Variants in DYNC2H1 observed in about 807,000 individuals in gnomAD.
DYNC2H1 encodes dynein cytoplasmic 2 heavy chain 1, also known as cytoplasmic dynein 2 heavy chain 1.
DYNC2H1 carries 410 observed loss-of-function variants against 570.0 expected under a neutral mutation model. That is an observed-to-expected ratio of 0.72 (90% CI 0.66 to 0.78). DYNC2H1 has a LOEUF of 0.78. DYNC2H1 is among the 30% of genes least tolerant of loss of function. DYNC2H1 has a pLI of 0.00. For synonymous variants in DYNC2H1, 1,688 were observed against 1,677.6 expected (o/e 1.01, Z -0.15); for missense variants, 4,865 against 5,046.4 (o/e 0.96, Z 1.09).
Position 103,178,909 on chromosome 11 carries a change from T to C in DYNC2H1, c.6140-117T>C, listed in dbSNP as rs634384. ...TGAGCCAGGATTGCGCATGGGTTCTTCAGCATATTTGTAGTACAAATTCAT... is the reference window on the plus strand; with the variant it reads ...TGAGCCAGGATTGCGCATGGGTTCTCCAGCATATTTGTAGTACAAATTCAT... On this transcript the variant is annotated intron_variant, in intron 38 of 88. Coordinates refer to ENST00000375735, the MANE Select transcript of DYNC2H1 (RefSeq NM_001377.3). 950,005 of 1,023,424 alleles carry C rather than the reference T, an allele frequency of 0.93. 441,441 individuals are homozygous for C. Among genetic ancestry groups the C allele is most frequent in the African/African-American group, 0.98 (60,821 of 62,022 alleles). The allele number at this position is 1,023,424 out of a possible 1,614,324, so 63.4% of individuals were successfully genotyped here.
chr11:103,474,431 CA>C (rs1173810479), intron 88 of DYNC2H1, among the ~76,000 whole-genome samples: 1 of 152,094 alleles, frequency 6.6e-6, no homozygotes, highest in Non-Finnish European at 1.5e-5. Context: ...GTTTTGTCTT[CA>C]TATGTGTTTT....
chr11:103,177,961 T>C lies in DYNC2H1; in HGVS notation c.6139+141T>C. The C allele has an allele frequency of 2.0e-6, 2 of 982,214 alleles. No individual in the cohort carries two copies. Among genetic ancestry groups the C allele is most frequent in the Non-Finnish European group, 2.8e-6 (2 of 710,310 alleles). 60.8% of individuals were successfully genotyped at this position (982,214 alleles called of 1,614,324 possible). ...TTAAAATGATGTACATTTGATATTT[T>C]ACTTTGGAGGGGGCCAAGACATGCT... On this transcript the variant is annotated intron_variant, in intron 38 of 88. Coordinates refer to ENST00000375735, the MANE Select transcript of DYNC2H1 (RefSeq NM_001377.3). The surrounding 1 kb of genome is among the most constrained non-coding windows in gnomAD (Gnocchi z 4.4).
In DYNC2H1 at chr11:103,154,937, A is replaced by C. The variant is rs72989733; in HGVS notation, c.3573+128A>C. 44,398 of 704,374 alleles carry C rather than the reference A, an allele frequency of 0.063. 1,681 individuals are homozygous for C. The highest frequency in any genetic ancestry group is 0.075 in the Non-Finnish European group (34,634 of 460,420). 43.6% of individuals were successfully genotyped at this position (704,374 alleles called of 1,614,324 possible). On this transcript the variant is annotated intron_variant, in intron 24 of 88. Transcript: ENST00000375735. ...AATTATTCCGTTTGATGAAGAAAAT[A>C]GGAAATACAGAGTAAACCATAGAAA...
intron 59 of DYNC2H1, among the ~76,000 whole-genome samples, chr11:103,223,739 GTTTA>G (rs1863688160): frequency 8.1e-6 from 1 of 123,756 alleles, no homozygotes; most frequent in Non-Finnish European, 1.7e-5. Flanking sequence ...AGACTTTTAT[GTTTA>G]TTTATTGATT....
chr11:103,233,830 A>ATGTGTG lies in DYNC2H1; in HGVS notation c.9441-161_9441-156dup, dbSNP rs745355739. 8.7e-4 allele frequency among the ~76,000 whole-genome samples: 66 copies of ATGTGTG among 75,848 alleles called. No homozygotes were observed. The East Asian group carries it at 0.016, about 18-fold the overall frequency. The allele number at this position is 75,848 out of a possible 152,430, so 49.8% of individuals were successfully genotyped here. The stretch of plus-strand genomic sequence containing the variant: ...TTTGAGGTAGAGAATGCTACACTTT[A>ATGTGTG]TGTGTGTGTGTGTGTGTGTGTGTGT... On this transcript the variant is annotated intron_variant, in intron 60 of 88. Coordinates refer to ENST00000375735, the MANE Select transcript of DYNC2H1 (RefSeq NM_001377.3).
At chr11:103,173,522 C>G (rs1161238712) in intron 35 of DYNC2H1, among the ~76,000 whole-genome samples, 2 of 151,918 alleles carry the variant, frequency 1.3e-5, no homozygotes, top group Admixed American at 1.3e-4. Flanking sequence ...TTAATTTGAT[C>G]AGTTTTTTTT....
intron 47 of DYNC2H1, among the ~76,000 whole-genome samples, chr11:103,192,812 T>C (rs1310879032): frequency 6.6e-6 from 1 of 152,194 alleles, no homozygotes; most frequent in Non-Finnish European, 1.5e-5. Flanking sequence ...GTAATGTATG[T>C]AATATGAAAG....
intron 83 of DYNC2H1, among the ~76,000 whole-genome samples, chr11:103,367,548 T>C (rs879726845): frequency 6.6e-6 from 1 of 152,112 alleles, no homozygotes; most frequent in Admixed American, 6.6e-5. Flanking sequence ...CAAATTACGG[T>C]ATTTAGCGTA....
At chr11:103,454,360 A>ACT (rs573391192) in intron 85 of DYNC2H1, among the ~76,000 whole-genome samples, 13 of 152,268 alleles carry the variant, frequency 8.5e-5, no homozygotes, top group Admixed American at 8.5e-4. Flanking sequence ...ATGATTTCTG[A>ACT]ATCAGTCTAT....
Position 103,209,205 on chromosome 11 carries a change from G to A in DYNC2H1, c.8455-671G>A, listed in dbSNP as rs1184512241. 1.3e-5 allele frequency among the ~76,000 whole-genome samples: 2 copies of A among 152,040 alleles called. No individual in the cohort carries two copies. The highest frequency in any genetic ancestry group is 1.9e-4 in the East Asian group (1 of 5,178). On this transcript the variant is annotated intron_variant, in intron 52 of 88. Transcript: ENST00000375735. This position sits in a 1 kb window ranked among gnomAD's most constrained non-coding sequence, Gnocchi z 4.2. ...TTGCTGGTAACTTCAGCTCTATCAG[G>A]TGAAAGAAATTGAAGCTATTTGGCT...
rs114703134 is a variant in DYNC2H1, at chr11:103,121,101, G to A, written c.1360+65G>A. Reference sequence around the variant, plus strand: ...ATTTTTGTATATTACTTTTTTCTTCGTTGCATACCATTTAGGATTAAAGAT... The same window carrying A: ...ATTTTTGTATATTACTTTTTTCTTCATTGCATACCATTTAGGATTAAAGAT... On this transcript the variant is annotated intron_variant, in intron 9 of 88. Transcript: ENST00000375735. The A allele has an allele frequency of 9.4e-4, 990 of 1,049,060 alleles. 8 individuals are homozygous for A. In the African/African-American group the frequency reaches 0.013, roughly 14 times the overall value. The allele number at this position is 1,049,060 out of a possible 1,614,324, so 65.0% of individuals were successfully genotyped here.
Position 103,135,851 on chromosome 11 carries a change from C to T in DYNC2H1, c.2477C>T (p.Ser826Phe). The T allele has an allele frequency of 6.2e-7, 1 of 1,612,996 alleles. No homozygotes were observed. Among genetic ancestry groups the T allele is most frequent in the Non-Finnish European group, 8.5e-7 (1 of 1,179,524 alleles). ...GAGGCAGGAGATGAATCTATTTTTT[C>T]TATTATGATTGATAGAAATGCAAGT... ...VGEAGDESIF[S>F]IMIDRNASGF... The change falls in exon 17 of 89, where the codon TCT becomes TTT. Residue 826 changes from serine to phenylalanine, a missense_variant. Physicochemically the swap from Ser to Phe is radical, Grantham distance 155 (BLOSUM62 -2). Coordinates refer to ENST00000375735, the MANE Select transcript of DYNC2H1 (RefSeq NM_001377.3).
chr11:103,170,426 T>A lies in DYNC2H1; in HGVS notation c.5151+136T>A. On this transcript the variant is annotated intron_variant, in intron 33 of 88. Coordinates refer to ENST00000375735, the MANE Select transcript of DYNC2H1 (RefSeq NM_001377.3). This position sits in a 1 kb window ranked among gnomAD's most constrained non-coding sequence, Gnocchi z 4.8. ...AAGACAGAATTTGTTTAAATTGAAA[T>A]GTAAAATGGACAGAGGTTGTACGTA... 1 of 953,622 alleles carries A rather than the reference T, an allele frequency of 1.0e-6. No homozygotes were observed. The highest frequency in any genetic ancestry group is 1.5e-6 in the Non-Finnish European group (1 of 680,802). 59.1% of individuals were successfully genotyped at this position (953,622 alleles called of 1,614,324 possible).
At chr11:103,162,802 GA>G (rs1049241098) in intron 29 of DYNC2H1, among the ~76,000 whole-genome samples, 4 of 151,988 alleles carry the variant, frequency 2.6e-5, no homozygotes, top group Admixed American at 2.6e-4. Context: ...CCTAAGAGGT[GA>G]AAAAATTGTT....
intron 4 of DYNC2H1, 30 bp downstream of exon 4, chr11:103,115,325 G>T: frequency 6.9e-7 from 1 of 1,446,194 alleles, no homozygotes; most frequent in South Asian, 1.3e-5. Flanking sequence ...TGATATATTG[G>T]GCTTCTTATA....
chr11:103,394,503 C>G (rs1386878904), intron 83 of DYNC2H1, among the ~76,000 whole-genome samples: 1 of 151,750 alleles, frequency 6.6e-6, no homozygotes, highest in Admixed American at 6.6e-5. Context: ...ATTTGAGCAT[C>G]CATAGATTTT....
At chr11:103,175,949 T>C (rs927682694) in intron 36 of DYNC2H1, among the ~76,000 whole-genome samples, 3 of 152,156 alleles carry the variant, frequency 2.0e-5, no homozygotes, top group East Asian at 3.9e-4. Context: ...TGAAGTACTA[T>C]GCAAATATTA....
intron 87 of DYNC2H1, among the ~76,000 whole-genome samples, chr11:103,459,408 G>A (rs1288266626): frequency 6.7e-6 from 1 of 149,664 alleles, no homozygotes; most frequent in African/African-American, 2.5e-5. Context: ...CTAACATACT[G>A]TCATTTATTT....
chr11:103,291,521 C>T (rs1413480795), intron 75 of DYNC2H1, among the ~76,000 whole-genome samples: 1 of 152,118 alleles, frequency 6.6e-6, no homozygotes, highest in Non-Finnish European at 1.5e-5. Context: ...AAGTATACAA[C>T]TTGATTCTGT....
Sources: gnomAD v4.1 joint callset for allele counts (sites outside exome capture counted in the v4.1 genomes callset) on GRCh38, gnomAD v4.1.1 for gene constraint, Gnocchi (gnomAD v3.1) non-coding constraint, MANE v1.5 for transcripts, NCBI Gene and HGNC (gene_info 2026-07-23, HGNC 2026-07-21) for gene names.